TBC1D4: variants seen among roughly 807,000 people sequenced by gnomAD.
The protein encoded by TBC1D4 is TBC1 domain family member 4, also known as TBC (Tre-2, BUB2, CDC16) domain-containing protein.
A neutral mutation model predicts 142.5 loss-of-function variants in TBC1D4; 121 were observed. The observed-to-expected ratio is 0.85, with a 90% CI of 0.73 to 0.99. The LOEUF is 0.99. Ranked by LOEUF, TBC1D4 falls within the 50% of genes least tolerant of loss-of-function variation. The pLI is 0.00. For synonymous variants in TBC1D4, 630 were observed against 628.2 expected, an observed-to-expected ratio of 1.00 and a Z score of -0.04; for missense variants, 1,475 against 1,606.6, an observed-to-expected ratio of 0.92 and a Z score of 1.40.
At chr13:75,327,708 C>T in intron 9 of TBC1D4, 44 bp downstream of exon 9, 1 of 1,589,488 alleles carries the variant, frequency 6.3e-7, no homozygotes, top group Middle Eastern at 1.7e-4. Flanking sequence ...TCGGTGCTGA[C>T]TTTGTTAAGT....
chr13:75,327,416 G>C (rs113672269), intron 9 of TBC1D4, among the ~76,000 whole-genome samples: 404 of 151,984 alleles, frequency 2.7e-3, no homozygotes, highest in Non-Finnish European at 5.1e-3. Flanking sequence ...AAAATAACAC[G>C]GGAAGGGAAC....
chr13:75,361,950 G>T, intron 2 of TBC1D4, 76 bp downstream of exon 2: 2 of 1,508,294 alleles, frequency 1.3e-6, no homozygotes, highest in East Asian at 2.3e-5. Context: ...AGGTGGAGCT[G>T]GGAGGAACTG....
chr13:75,404,585 TAGGG>T (rs1320990541), intron 1 of TBC1D4, among the ~76,000 whole-genome samples: 7 of 152,170 alleles, frequency 4.6e-5, no homozygotes, highest in Non-Finnish European at 8.8e-5. Flanking sequence ...TGATGGGTTT[TAGGG>T]AGGAAGACCA....
At chr13:75,367,029 G>A in intron 1 of TBC1D4, 1 of 966,536 alleles carries the variant, frequency 1.0e-6, no homozygotes, top group Non-Finnish European at 1.2e-6. Context: ...TAAGCTGGCG[G>A]TATTTTCATT....
chr13:75,351,356 ATG>A (rs542124859), intron 4 of TBC1D4, among the ~76,000 whole-genome samples: 4 of 152,098 alleles, frequency 2.6e-5, no homozygotes, highest in Non-Finnish European at 4.4e-5. Context: ...CCAATAAAGA[ATG>A]GCATCAATCC....
At chr13:75,413,420 A>T (rs1398326972) in intron 1 of TBC1D4, among the ~76,000 whole-genome samples, 1 of 152,216 alleles carries the variant, frequency 6.6e-6, no homozygotes, top group Non-Finnish European at 1.5e-5. Flanking sequence ...TCGGTCTCCC[A>T]AAGTGCTGGG....
intron 12 of TBC1D4, among the ~76,000 whole-genome samples, chr13:75,314,558 C>T (rs138082689): frequency 1.1e-3 from 163 of 152,216 alleles, no homozygotes; most frequent in African/African-American, 3.8e-3. Context: ...AGTATTATGA[C>T]GTGATACTTT....
chr13:75,365,743 G>C lies in TBC1D4; in HGVS notation c.499-3136C>G, dbSNP rs1882872491. 6.6e-5 allele frequency among the ~76,000 whole-genome samples: 10 copies of C among 152,238 alleles called. 1 individual carries two copies. In the South Asian group the frequency reaches 2.1e-3, roughly 32 times the overall value. On this transcript the variant is annotated intron_variant, in intron 1 of 20. Coordinates refer to ENST00000377636, the MANE Select transcript of TBC1D4 (RefSeq NM_014832.5). ...GTACCATCGTACCATAAGCTCTTAA[G>C]TGAAAGACTGAGTTGGGGGGATTTT...
At chr13:75,305,651 T>C (rs887421003) in intron 15 of TBC1D4, among the ~76,000 whole-genome samples, 10 of 152,222 alleles carry the variant, frequency 6.6e-5, no homozygotes, top group Non-Finnish European at 1.2e-4. Flanking sequence ...TTTGGGTATT[T>C]TGGAATTTTT....
chr13:75,401,447 T>G (rs1885091987), intron 1 of TBC1D4, among the ~76,000 whole-genome samples: 1 of 152,196 alleles, frequency 6.6e-6, no homozygotes, highest in Admixed American at 6.5e-5. Flanking sequence ...CTACATGACC[T>G]TGGCATTAAG....
Position 75,285,142 on chromosome 13 carries a change from A to T in TBC1D4, c.*1650T>A, listed in dbSNP as rs568798682. The T allele has an allele frequency of 6.6e-6, 1 of 152,318 alleles. No homozygotes were observed. The highest frequency in any genetic ancestry group is 1.5e-5 in the Non-Finnish European group (1 of 68,036). 9.4% of individuals were successfully genotyped at this position (152,318 alleles called of 1,614,324 possible). A position where few individuals can be genotyped will look rare whatever the true frequency, so the allele number is the denominator to read the frequency against. On this transcript the variant is annotated 3_prime_UTR_variant, in exon 21 of 21. Coordinates refer to ENST00000377636, the MANE Select transcript of TBC1D4 (RefSeq NM_014832.5). ...AGAAGTTACATTAACTTTATTAATA[A>T]GATTTTATTGTCTTTTAAGAAACTG... is the stretch of plus-strand genomic sequence containing the variant.
At chr13:75,457,367 A>C (rs1887779795) in intron 1 of TBC1D4, among the ~76,000 whole-genome samples, 1 of 152,178 alleles carries the variant, frequency 6.6e-6, no homozygotes, top group Non-Finnish European at 1.5e-5. Flanking sequence ...TAGAATATTT[A>C]GCATTATCCC....
intron 1 of TBC1D4, among the ~76,000 whole-genome samples, 189 bp downstream of exon 1, chr13:75,481,081 C>G (rs1490440097): frequency 6.6e-6 from 1 of 152,222 alleles, no homozygotes; most frequent in East Asian, 1.9e-4. Context: ...GCCCAGCCCC[C>G]GAACGCCTTC....
At chr13:75,450,662 A>G (rs960568150) in intron 1 of TBC1D4, among the ~76,000 whole-genome samples, 3 of 152,182 alleles carry the variant, frequency 2.0e-5, no homozygotes, top group African/African-American at 7.2e-5. Context: ...TGGAGTTTGT[A>G]TTGAGGCTTC....
At chr13:75,323,804 G>T (rs1878981797) in intron 11 of TBC1D4, among the ~76,000 whole-genome samples, 2 of 151,886 alleles carry the variant, frequency 1.3e-5, no homozygotes, top group Admixed American at 1.3e-4. Context: ...TAAAAATAAA[G>T]ACATTATTGT....
At chr13:75,383,068 T>C (rs769895106) in intron 1 of TBC1D4, among the ~76,000 whole-genome samples, 4 of 152,190 alleles carry the variant, frequency 2.6e-5, no homozygotes, top group Non-Finnish European at 5.9e-5. Context: ...ACGCCCATAA[T>C]CCCAACATAT....
intron 11 of TBC1D4, among the ~76,000 whole-genome samples, chr13:75,322,352 C>G (rs11148987): frequency 0.43 from 64,904 of 151,902 alleles, 14,660 homozygotes; most frequent in East Asian, 0.65. Context: ...TTTCAATACA[C>G]CACTTAAAAC....
At chr13:75,413,485 T>G (rs1885772524) in intron 1 of TBC1D4, among the ~76,000 whole-genome samples, 2 of 152,166 alleles carry the variant, frequency 1.3e-5, no homozygotes, top group Admixed American at 1.3e-4. Flanking sequence ...CTTAAAACAT[T>G]ATAAGATTTT....
chr13:75,432,934 T>C (rs1886650409), intron 1 of TBC1D4, among the ~76,000 whole-genome samples: 1 of 140,928 alleles, frequency 7.1e-6, no homozygotes, highest in South Asian at 2.3e-4. Flanking sequence ...AGACCGAGAC[T>C]GACTCAAAAA....
Sources: gnomAD v4.1 joint callset for allele counts (sites outside exome capture counted in the v4.1 genomes callset) on GRCh38, gnomAD v4.1.1 for gene constraint, MANE v1.5 for transcripts, NCBI Gene and HGNC (gene_info 2026-07-23, HGNC 2026-07-21) for gene names.